The following RFX3 variants were observed in gnomAD, a reference collection of about 807,000 sequenced individuals.
RFX3 encodes regulatory factor X3.
A neutral mutation model predicts 98.6 loss-of-function variants in RFX3; 14 were observed. The ratio of observed to expected loss-of-function variants is 0.14; its 90% CI spans 0.09 to 0.22. RFX3 has a LOEUF of 0.22. Among genes scored for constraint, RFX3 ranks in the 10% least tolerant of loss-of-function variants. RFX3 has a pLI of 1.00. For synonymous variants in RFX3, 383 were observed against 328.4 expected, an observed-to-expected ratio of 1.17 and a Z score of -1.80; for missense variants, 639 against 926.9, an observed-to-expected ratio of 0.69 and a Z score of 4.03.
At chr9:3,263,885 T>C (rs946186040) in intron 12 of RFX3, among the ~76,000 whole-genome samples, 138 of 152,292 alleles carry the variant, frequency 9.1e-4, no homozygotes, top group African/African-American at 2.9e-3. Flanking sequence ...GGGTACTTAT[T>C]CACTGCAACC....
intron 1 of RFX3, among the ~76,000 whole-genome samples, chr9:3,505,316 TAATG>T (rs1564187195): frequency 6.5e-5 from 4 of 61,768 alleles, no homozygotes; most frequent in African/African-American, 5.0e-4. Context: ...AAATATATAT[TAATG>T]TATATTTATA....
At chr9:3,509,173 G>A (rs566919912) in intron 1 of RFX3, among the ~76,000 whole-genome samples, 4 of 151,844 alleles carry the variant, frequency 2.6e-5, no homozygotes, top group Admixed American at 6.6e-5. Flanking sequence ...AGGGCAGTCC[G>A]TTCATATATT....
At position 3,414,583 on chromosome 9, in the gene RFX3, TGTG is replaced by T. The variant is rs1441673559; in HGVS notation, c.-8-18990_-8-18988del. On this transcript the variant is annotated intron_variant, in intron 1 of 16. Coordinates refer to ENST00000617270, the MANE Select transcript of RFX3 (RefSeq NM_001282116.2). ...TATATGCTAGTGGTATCTACTGCAA[TGTG>T]GTATATATATATATGCTAGTAGTAT... is the stretch of plus-strand genomic sequence containing the variant. Among the ~76,000 whole-genome samples, 6 of 148,800 alleles carry T rather than the reference TGTG, an allele frequency of 4.0e-5. No homozygotes were observed. The East Asian group carries it at 1.2e-3, about 29-fold the overall frequency.
At chr9:3,431,837 T>A (rs1203611357) in intron 1 of RFX3, among the ~76,000 whole-genome samples, 1 of 152,146 alleles carries the variant, frequency 6.6e-6, no homozygotes, top group Non-Finnish European at 1.5e-5. Context: ...GGAGAAAGCA[T>A]ATCTCTTATG....
chr9:3,274,443 A>G (rs1193722836), intron 9 of RFX3, among the ~76,000 whole-genome samples: 2 of 152,168 alleles, frequency 1.3e-5, no homozygotes, highest in African/African-American at 2.4e-5. Context: ...AACTCTTACT[A>G]TAATCCATTA....
intron 1 of RFX3, among the ~76,000 whole-genome samples, chr9:3,398,930 A>T (rs981507573): frequency 0.014 from 2,142 of 150,000 alleles, 77 homozygotes; most frequent in African/African-American, 0.049. Flanking sequence ...AAAAAAAAAA[A>T]AAAAAAAAAA....
intron 3 of RFX3, chr9:3,344,717 C>A: frequency 1.7e-6 from 1 of 590,068 alleles, no homozygotes; most frequent in Non-Finnish European, 3.0e-6. Context: ...GATGAAATGA[C>A]AACTGACAAC....
chr9:3,348,201 A>G (rs756239923), intron 2 of RFX3, among the ~76,000 whole-genome samples: 2 of 152,190 alleles, frequency 1.3e-5, no homozygotes, highest in Admixed American at 6.5e-5. Context: ...GCATCCTGAA[A>G]TGTCATTTAA....
rs1817225281 is a variant in RFX3, at chr9:3,219,356, G to T, written c.*5686C>A. 1 of 151,188 alleles carries T rather than the reference G, an allele frequency of 6.6e-6. No individual in the cohort carries two copies. Among genetic ancestry groups the T allele is most frequent in the Non-Finnish European group, 1.5e-5 (1 of 67,840 alleles). 9.4% of individuals were successfully genotyped at this position (151,188 alleles called of 1,614,324 possible). Reference sequence around the variant, plus strand: ...TCCCCAGAATCAAAATTCTTCTAAAGAATATTTGTTGTCCTCGTTATTGAG... The same window carrying T: ...TCCCCAGAATCAAAATTCTTCTAAATAATATTTGTTGTCCTCGTTATTGAG... On this transcript the variant is annotated 3_prime_UTR_variant, in exon 17 of 17. Coordinates refer to ENST00000617270, the MANE Select transcript of RFX3 (RefSeq NM_001282116.2).
At chr9:3,479,127 C>A (rs945067030) in intron 1 of RFX3, among the ~76,000 whole-genome samples, 1 of 152,172 alleles carries the variant, frequency 6.6e-6, no homozygotes, top group Non-Finnish European at 1.5e-5. Flanking sequence ...ATGAGAATAA[C>A]CCCAAGTTAA....
Position 3,525,935 on chromosome 9 carries a change from A to AGAGAGG in RFX3, c.-203_-198dup. 1.1e-6 allele frequency: 1 copy of AGAGAGG among 923,352 alleles called. No individual in the cohort carries two copies. The highest frequency in any genetic ancestry group is 5.1e-5 in the South Asian group (1 of 19,752). 57.2% of individuals were successfully genotyped at this position (923,352 alleles called of 1,614,324 possible). A position where few individuals can be genotyped will look rare whatever the true frequency, so the allele number is the denominator to read the frequency against. ...TTGCTATAACTCACAAAAGAGAGAG[A>AGAGAGG]GAGAGGGAGAGAGAGAGAGAGCGAG... On this transcript the variant is annotated 5_prime_UTR_variant, in exon 1 of 17. Transcript: ENST00000617270.
intron 1 of RFX3, among the ~76,000 whole-genome samples, chr9:3,449,372 T>C (rs1031030585): frequency 6.6e-6 from 1 of 152,180 alleles, no homozygotes; most frequent in African/African-American, 2.4e-5. Flanking sequence ...CCTCACACAG[T>C]TTTTCTATGC....
At chr9:3,323,239 TGAC>T (rs1831514003) in intron 4 of RFX3, among the ~76,000 whole-genome samples, 2 of 152,174 alleles carry the variant, frequency 1.3e-5, no homozygotes, top group African/African-American at 4.8e-5. Flanking sequence ...CTCAGAGAAC[TGAC>T]AATTGGTCAT....
At chr9:3,366,690 TTTC>T (rs1837137609) in intron 2 of RFX3, among the ~76,000 whole-genome samples, 1 of 127,282 alleles carries the variant, frequency 7.9e-6, no homozygotes, top group African/African-American at 3.3e-5. Context: ...TTCTTCTTTC[TTTC>T]CTTTCTTTCT....
intron 2 of RFX3, among the ~76,000 whole-genome samples, chr9:3,384,419 G>C (rs1839496988): frequency 2.0e-5 from 3 of 152,158 alleles, no homozygotes; most frequent in South Asian, 2.1e-4. Flanking sequence ...TCAAATACAA[G>C]CACAGGCTGT....
intron 2 of RFX3, among the ~76,000 whole-genome samples, chr9:3,354,367 AC>A (rs2131291872): frequency 6.6e-6 from 1 of 152,102 alleles, no homozygotes; most frequent in East Asian, 1.9e-4. Context: ...ACACAGCAAG[AC>A]CCCATCTCTA....
At chr9:3,455,509 C>A (rs1401817805) in intron 1 of RFX3, among the ~76,000 whole-genome samples, 1 of 152,112 alleles carries the variant, frequency 6.6e-6, no homozygotes, top group Non-Finnish European at 1.5e-5. Flanking sequence ...TAATGTCTAC[C>A]TTTTCCATCA....
Position 3,263,097 on chromosome 9 carries a change from C to T in RFX3, c.1456-13G>A, listed in dbSNP as rs1284270153. ...TTACAGCGGCAACCTGTAACGCAAT[C>T]CAATTAAGTTGGGATTCTGTTTCCT... On this transcript the variant is annotated splice_polypyrimidine_tract_variant and intron_variant, in intron 12 of 16. Coordinates refer to ENST00000617270, the MANE Select transcript of RFX3 (RefSeq NM_001282116.2). The T allele has an allele frequency of 4.3e-6, 7 of 1,610,578 alleles. No homozygotes were observed. The South Asian group carries it at 7.7e-5, about 18-fold the overall frequency.
At chr9:3,395,749 T>A (rs1190224165) in intron 1 of RFX3, among the ~76,000 whole-genome samples, 153 bp from the exon 2 acceptor site, 2 of 152,236 alleles carry the variant, frequency 1.3e-5, no homozygotes, top group Admixed American at 6.5e-5. Context: ...TGCATGTGTA[T>A]GGTCATTCTG....
Sources: allele counts gnomAD v4.1 joint callset (sites outside exome capture counted in the v4.1 genomes callset), GRCh38; gene constraint gnomAD v4.1.1; transcripts MANE v1.5; gene names NCBI Gene and HGNC (gene_info 2026-07-23, HGNC 2026-07-21).